GABRG3: variants seen among roughly 807,000 people sequenced by gnomAD.
GABRG3 encodes the protein gamma-aminobutyric acid receptor subunit gamma-3.
A neutral mutation model predicts 48.8 loss-of-function variants in GABRG3; 25 were observed. The observed-to-expected ratio is 0.51, with a 90% CI of 0.37 to 0.72. The LOEUF is 0.72. Among genes scored for constraint, GABRG3 ranks in the 30% least tolerant of loss-of-function variants. The probability of loss-of-function intolerance (pLI) is 0.00; values close to 1 mark genes in which losing one functional copy is unlikely to be tolerated. For synonymous variants in GABRG3, 227 were observed against 217.6 expected, an observed-to-expected ratio of 1.04 and a Z score of -0.38; for missense variants, 394 against 577.9, an observed-to-expected ratio of 0.68 and a Z score of 3.26.
At chr15:27,256,347 A>G (rs1283572108) in intron 3 of GABRG3, among the ~76,000 whole-genome samples, 1 of 151,758 alleles carries the variant, frequency 6.6e-6, no homozygotes, top group South Asian at 2.1e-4. Context: ...AGGCTGAGGC[A>G]GGAGAATGGC....
At chr15:27,397,566 G>A (rs1450251469) in intron 5 of GABRG3, among the ~76,000 whole-genome samples, 1 of 152,146 alleles carries the variant, frequency 6.6e-6, no homozygotes, top group African/African-American at 2.4e-5. Flanking sequence ...GATTGAGGGC[G>A]TATTCCCTTG....
chr15:27,084,235 C>A (rs1251677491), intron 3 of GABRG3, among the ~76,000 whole-genome samples: 2 of 152,202 alleles, frequency 1.3e-5, no homozygotes, highest in Admixed American at 1.3e-4. Flanking sequence ...TGGGATTATC[C>A]CACGTGCCTC....
At chr15:27,054,232 C>G (rs545165348) in intron 3 of GABRG3, among the ~76,000 whole-genome samples, 1 of 150,224 alleles carries the variant, frequency 6.7e-6, no homozygotes, top group South Asian at 2.1e-4. Context: ...GAGCCAAACT[C>G]TATCTCAAAA....
At chr15:27,007,500 C>T (rs996159012) in intron 2 of GABRG3, among the ~76,000 whole-genome samples, 4 of 152,196 alleles carry the variant, frequency 2.6e-5, no homozygotes, top group African/African-American at 7.2e-5. Flanking sequence ...ATACTACTTT[C>T]CACAGTGGCT....
chr15:26,980,681 C>CAAAAA (rs67711680), intron 2 of GABRG3, among the ~76,000 whole-genome samples: 2 of 124,036 alleles, frequency 1.6e-5, no homozygotes, highest in Non-Finnish European at 1.9e-5. Flanking sequence ...TCCTCTGTCT[C>CAAAAA]AAAAAAAAAA....
In GABRG3 at chr15:27,521,312, A is replaced by G. The variant is rs139036879; in HGVS notation, c.865+1188A>G. 2.8e-3 allele frequency among the ~76,000 whole-genome samples: 429 copies of G among 152,270 alleles called. 3 individuals are homozygous for G. The highest frequency in any genetic ancestry group is 9.9e-3 in the African/African-American group (413 of 41,578). ...TTTAGACACCAAAAAGTCTGTGCCTAGAAATAAAGGGGGTACCCTAGACGT... is the reference window on the plus strand; with the variant it reads ...TTTAGACACCAAAAAGTCTGTGCCTGGAAATAAAGGGGGTACCCTAGACGT... On this transcript the variant is annotated intron_variant, in intron 7 of 9. Transcript: ENST00000615808.
chr15:27,089,414 C>T (rs1897147179), intron 3 of GABRG3, among the ~76,000 whole-genome samples: 1 of 152,082 alleles, frequency 6.6e-6, no homozygotes, highest in Admixed American at 6.5e-5. Flanking sequence ...GCTTCTTGTC[C>T]ACATTCTAAG....
intron 3 of GABRG3, among the ~76,000 whole-genome samples, chr15:27,114,489 A>G (rs1305018412): frequency 1.3e-5 from 2 of 152,200 alleles, no homozygotes; most frequent in Non-Finnish European, 2.9e-5. Flanking sequence ...ATTTGCTTTA[A>G]TCCATAACAC....
At chr15:27,054,375 C>T (rs373888229) in intron 3 of GABRG3, among the ~76,000 whole-genome samples, 21 of 152,178 alleles carry the variant, frequency 1.4e-4, no homozygotes, top group South Asian at 8.3e-4. Flanking sequence ...CGAAACATAT[C>T]CAGGGAACAA....
chr15:27,001,888 G>GTTTTTTTTTTTGTTTTTT (rs1895454539), intron 2 of GABRG3, among the ~76,000 whole-genome samples: 2 of 121,230 alleles, frequency 1.6e-5, no homozygotes, highest in African/African-American at 3.2e-5. Flanking sequence ...CCATAACTCA[G>GTTTTTTTTTTTGTTTTTT]TTTTTTTTTT....
At chr15:27,299,952 C>G (rs1484435135) in intron 3 of GABRG3, among the ~76,000 whole-genome samples, 3 of 152,126 alleles carry the variant, frequency 2.0e-5, no homozygotes, top group Non-Finnish European at 4.4e-5. Context: ...CCAGGTTTGT[C>G]TTGGCTTGTG....
intron 5 of GABRG3, among the ~76,000 whole-genome samples, chr15:27,343,896 G>A (rs1027559649): frequency 6.6e-6 from 1 of 152,200 alleles, no homozygotes; most frequent in Admixed American, 6.5e-5. Flanking sequence ...GTTTAAATGT[G>A]CCAGATGGAC....
chr15:27,113,904 G>C (rs1018315135), intron 3 of GABRG3, among the ~76,000 whole-genome samples: 2 of 152,154 alleles, frequency 1.3e-5, no homozygotes, highest in Non-Finnish European at 2.9e-5. Flanking sequence ...TTACTTACTA[G>C]TTTGAGTGAT....
rs967460719 is a variant in GABRG3, at chr15:27,180,171, A to G, written c.271-146638A>G. ...CAGGCCCGGGGGGTGAGATACATAA[A>G]TTGAGCCTGCCCATAATGAACACAC... On this transcript the variant is annotated intron_variant, in intron 3 of 9. Transcript: ENST00000615808. This position sits in a 1 kb window ranked among gnomAD's most constrained non-coding sequence, Gnocchi z 4.2. Among the ~76,000 whole-genome samples, 2 of 152,180 alleles carry G rather than the reference A, an allele frequency of 1.3e-5. No homozygotes were observed. The highest frequency in any genetic ancestry group is 4.8e-5 in the African/African-American group (2 of 41,434).
intron 3 of GABRG3, among the ~76,000 whole-genome samples, chr15:27,207,203 C>T (rs558511422): frequency 2.1e-4 from 32 of 152,228 alleles, no homozygotes; most frequent in Middle Eastern, 6.8e-3. Flanking sequence ...GCACTTAGCA[C>T]GAGTGCCTTG....
At chr15:27,280,416 C>T (rs1023262866) in intron 3 of GABRG3, 1 of 152,162 alleles carries the variant, frequency 6.6e-6, no homozygotes, top group African/African-American at 2.4e-5. Context: ...TGGAAATGTT[C>T]AGGGTGGTAT....
intron 3 of GABRG3, among the ~76,000 whole-genome samples, chr15:27,215,436 A>G (rs1889216523): frequency 6.6e-6 from 1 of 152,196 alleles, no homozygotes; most frequent in South Asian, 2.1e-4. Flanking sequence ...GATGCACCCC[A>G]TTCTTGCCAT....
chr15:26,986,435 C>T (rs527757101), intron 2 of GABRG3, among the ~76,000 whole-genome samples: 1 of 152,236 alleles, frequency 6.6e-6, no homozygotes, highest in South Asian at 2.1e-4. Flanking sequence ...CGAGTTCAGA[C>T]CTCAGCTTAA....
intron 3 of GABRG3, among the ~76,000 whole-genome samples, chr15:27,149,431 T>C (rs1566947718): frequency 2.1e-5 from 3 of 140,358 alleles, no homozygotes; most frequent in Non-Finnish European, 4.7e-5. Flanking sequence ...CTAGATTCAG[T>C]AGAATCCCTG....
Sources: allele counts gnomAD v4.1 joint callset (sites outside exome capture counted in the v4.1 genomes callset), GRCh38; gene constraint gnomAD v4.1.1; non-coding constraint Gnocchi (gnomAD v3.1); transcripts MANE v1.5; gene names NCBI Gene and HGNC (gene_info 2026-07-23, HGNC 2026-07-21).